The following EBAG9 variants were observed in gnomAD, a reference collection of about 807,000 sequenced individuals.
The protein encoded by EBAG9 is estrogen receptor binding site associated antigen 9, also known as receptor-binding cancer antigen expressed on SiSo cells.
Under a neutral mutation model 30.9 loss-of-function variants are expected in EBAG9, and 16 were observed. The observed-to-expected ratio is 0.52, with a 90% CI of 0.35 to 0.79. The LOEUF (loss-of-function observed/expected upper bound fraction) is 0.79, where lower values mean the gene tolerates loss of function less well. Among genes scored for constraint, EBAG9 ranks in the 30% least tolerant of loss-of-function variants. EBAG9 has a pLI of 0.01. For missense variants in EBAG9, 197 were observed against 242.1 expected (o/e 0.81, Z 1.24); for synonymous variants, 93 against 82.8 (o/e 1.12, Z -0.67).
chr8:109,564,564 T>C lies in EBAG9; in HGVS notation c.*5T>C, dbSNP rs1316500035. 9 of 1,611,112 alleles carry C rather than the reference T, an allele frequency of 5.6e-6. No individual in the cohort carries two copies. The South Asian group carries it at 7.7e-5, about 14-fold the overall frequency. On this transcript the variant is annotated 3_prime_UTR_variant, in exon 7 of 7. Coordinates refer to ENST00000337573, the MANE Select transcript of EBAG9 (RefSeq NM_004215.5). ...ATTGGTGTGAAACTTTCATAACACA[T>C]GTTCAAATTTTATCATGCCAGTAGG...
chr8:109,544,528 AAG>A (rs1821345170), intron 1 of EBAG9, among the ~76,000 whole-genome samples: 1 of 152,240 alleles, frequency 6.6e-6, no homozygotes, highest in Admixed American at 6.5e-5. Context: ...TAGAAAATTT[AAG>A]AAGTTGGATG....
At chr8:109,561,033 C>T in intron 6 of EBAG9, 104 bp downstream of exon 6, 10 of 879,960 alleles carry the variant, frequency 1.1e-5, no homozygotes, top group South Asian at 3.8e-5. Flanking sequence ...TTATATTTTT[C>T]TTCATTTGAT....
Position 109,564,483 on chromosome 8 carries a change from A to G in EBAG9, c.566A>G (p.Gln189Arg). Residue 189 changes from glutamine to arginine, a missense_variant, in exon 7 of 7, where the codon CAA becomes CGA. Gln to Arg is a conservative substitution (Grantham distance 43, BLOSUM62 1). Coordinates refer to ENST00000337573, the MANE Select transcript of EBAG9 (RefSeq NM_004215.5). Reference protein sequence around the residue: ...ADREKRAAEQQRKKMEKEAQR... With the variant: ...ADREKRAAEQRRKKMEKEAQR... ...AGAGAAAAGAGAGCAGCCGAACAAC[A>G]AAGGAAGAAAATGGAAAAGGAAGCA... The G allele has an allele frequency of 1.2e-6, 2 of 1,613,014 alleles. No individual in the cohort carries two copies. The highest frequency in any genetic ancestry group is 1.7e-6 in the Non-Finnish European group (2 of 1,179,176).
At chr8:109,547,629 C>T (rs1292324095) in intron 1 of EBAG9, among the ~76,000 whole-genome samples, 16 of 151,758 alleles carry the variant, frequency 1.1e-4, no homozygotes, top group Admixed American at 3.9e-4. Context: ...TACAGGTGCC[C>T]GCGACCATGC....
intron 3 of EBAG9, among the ~76,000 whole-genome samples, chr8:109,554,308 TG>T (rs1423880868): frequency 6.6e-6 from 1 of 152,204 alleles, no homozygotes; most frequent in Non-Finnish European, 1.5e-5. Flanking sequence ...AATTCTGGGT[TG>T]TTTCATGAAC....
intron 1 of EBAG9, among the ~76,000 whole-genome samples, chr8:109,541,050 T>C (rs1057115204): frequency 2.0e-5 from 3 of 147,648 alleles, no homozygotes; most frequent in African/African-American, 8.1e-5. Flanking sequence ...TTTAATTGTA[T>C]TTTTTTTCCG....
chr8:109,544,433 T>A (rs1821343296), intron 1 of EBAG9, among the ~76,000 whole-genome samples: 1 of 152,196 alleles, frequency 6.6e-6, no homozygotes, highest in South Asian at 2.1e-4. Context: ...GAGAGGCCAG[T>A]CTGTTTTAGT....
At chr8:109,564,347 A>G in intron 6 of EBAG9, 92 bp from the exon 7 acceptor site, 3 of 1,468,056 alleles carry the variant, frequency 2.0e-6, no homozygotes, top group Non-Finnish European at 2.8e-6. Flanking sequence ...TTATTTGGTG[A>G]TAATAAAAAG....
chr8:109,553,839 A>G lies in EBAG9; in HGVS notation c.84-26A>G, dbSNP rs931430890. 16 of 1,585,668 alleles carry G rather than the reference A, an allele frequency of 1.0e-5. No individual in the cohort carries two copies. The Admixed American group carries it at 1.6e-4, about 16-fold the overall frequency. On this transcript the variant is annotated intron_variant, in intron 2 of 6. Coordinates refer to ENST00000337573, the MANE Select transcript of EBAG9 (RefSeq NM_004215.5). ...CTTTGCTTGTTTTGGTGGTTCTTGAAATAAATTATTTCATTTTTGTTTCAG... is the reference window on the plus strand; with the variant it reads ...CTTTGCTTGTTTTGGTGGTTCTTGAGATAAATTATTTCATTTTTGTTTCAG...
intron 1 of EBAG9, among the ~76,000 whole-genome samples, chr8:109,543,846 C>G (rs1321135725): frequency 6.6e-6 from 1 of 152,020 alleles, no homozygotes; most frequent in Admixed American, 6.6e-5. Flanking sequence ...GCCTAGCCAA[C>G]ATGGCGAAAC....
At chr8:109,563,522 A>G in intron 6 of EBAG9, 2 of 1,597,202 alleles carry the variant, frequency 1.3e-6, no homozygotes, top group Non-Finnish European at 1.7e-6. Context: ...AGTTACGGAA[A>G]GAGTAAGGAA....
rs963860479 is a variant in EBAG9, at chr8:109,565,086, T to C, written c.*527T>C. ...TAATTTGAACTGGTATTGTTTACGT[T>C]TGATACAACATTAAGGAATTTGATG... is the stretch of plus-strand genomic sequence containing the variant. On this transcript the variant is annotated 3_prime_UTR_variant, in exon 7 of 7. Transcript: ENST00000337573. 2 of 152,546 alleles carry C rather than the reference T, an allele frequency of 1.3e-5. No homozygotes were observed. Among genetic ancestry groups the C allele is most frequent in the Non-Finnish European group, 2.9e-5 (2 of 67,978 alleles). The allele number at this position is 152,546 out of a possible 1,614,324, so 9.4% of individuals were successfully genotyped here.
intron 5 of EBAG9, among the ~76,000 whole-genome samples, chr8:109,560,428 G>T (rs1013737670): frequency 6.6e-6 from 1 of 152,200 alleles, no homozygotes; most frequent in African/African-American, 2.4e-5. Context: ...TCTCAGCACA[G>T]ATTAGTCCAG....
chr8:109,559,928 C>G (rs975198844), intron 5 of EBAG9, among the ~76,000 whole-genome samples: 1 of 152,042 alleles, frequency 6.6e-6, no homozygotes, highest in East Asian at 1.9e-4. Flanking sequence ...TTTAAAAATC[C>G]TCCTTTCAGA....
rs756130426 is a variant in EBAG9 at position 109,553,874 on chromosome 8, A to G, written c.93A>G (p.Arg31=). ...FLKRLICRSG[R]GRKLSGDQIT... ...TTCATTTTTGTTTCAGATCTGGCAGAGGACGGAAATTAAGTGGAGACCAAA... is the reference window on the plus strand; with the variant it reads ...TTCATTTTTGTTTCAGATCTGGCAGGGGACGGAAATTAAGTGGAGACCAAA... The change falls in exon 3 of 7, where the codon AGA becomes AGG. Residue 31 remains arginine, a synonymous_variant. Coordinates refer to ENST00000337573, the MANE Select transcript of EBAG9 (RefSeq NM_004215.5). The G allele has an allele frequency of 6.2e-7, 1 of 1,607,630 alleles. No individual in the cohort carries two copies. Among genetic ancestry groups the G allele is most frequent in the South Asian group, 1.1e-5 (1 of 88,848 alleles).
intron 1 of EBAG9, among the ~76,000 whole-genome samples, chr8:109,550,027 C>T (rs2131109750): frequency 6.6e-6 from 1 of 152,122 alleles, no homozygotes; most frequent in South Asian, 2.1e-4. Context: ...CTCTGCTTTT[C>T]AATTGGAATG....
In EBAG9 at chr8:109,565,453, G is replaced by C. The variant is rs1251131176; in HGVS notation, c.*894G>C. 6.6e-6 allele frequency: 1 copy of C among 152,050 alleles called. No homozygotes were observed. The highest frequency in any genetic ancestry group is 1.9e-4 in the East Asian group (1 of 5,198). The allele number at this position is 152,050 out of a possible 1,614,324, so 9.4% of individuals were successfully genotyped here. A position where few individuals can be genotyped will look rare whatever the true frequency, so the allele number is the denominator to read the frequency against. On this transcript the variant is annotated 3_prime_UTR_variant, in exon 7 of 7. Coordinates refer to ENST00000337573, the MANE Select transcript of EBAG9 (RefSeq NM_004215.5). ...TTAGATGATTTCTGTACTAGCTTTA[G>C]ATGTCTGACGTTATGTAGGTTACCT...
intron 1 of EBAG9, among the ~76,000 whole-genome samples, chr8:109,544,132 A>G (rs1821336642): frequency 6.6e-6 from 1 of 151,858 alleles, no homozygotes; most frequent in Non-Finnish European, 1.5e-5. Flanking sequence ...TGCTTATCTT[A>G]TGCTCATGTA....
chr8:109,546,765 A>G lies in EBAG9; in HGVS notation c.-15-4045A>G, dbSNP rs534490484. ...CCTGTTCTAGAGCTTAAAAAATACT[A>G]TATATGGAATCATACAGTGTATATT... On this transcript the variant is annotated intron_variant, in intron 1 of 6. Transcript: ENST00000337573. Among the ~76,000 whole-genome samples, 41 of 152,296 alleles carry G rather than the reference A, an allele frequency of 2.7e-4. 1 individual carries two copies. In the Middle Eastern group the frequency reaches 0.01, roughly 38 times the overall value.
Sources: allele counts gnomAD v4.1 joint callset (sites outside exome capture counted in the v4.1 genomes callset), GRCh38; gene constraint gnomAD v4.1.1; transcripts MANE v1.5; gene names NCBI Gene and HGNC (gene_info 2026-07-23, HGNC 2026-07-21).